PCNX4: variants seen among roughly 807,000 people sequenced by gnomAD.
PCNX4 encodes the protein pecanex-like protein 4.
A neutral mutation model predicts 107.2 loss-of-function variants in PCNX4; 103 were observed. The observed-to-expected ratio is 0.96, with a 90% CI of 0.82 to 1.13. The LOEUF (loss-of-function observed/expected upper bound fraction) is 1.13. Ranked by LOEUF, PCNX4 falls within the 50% of genes most tolerant of loss-of-function variation. The pLI is 0.00. For synonymous variants in PCNX4, 541 were observed against 481.7 expected (o/e 1.12, Z -1.61); for missense variants, 1,528 against 1,379.4 (o/e 1.11, Z -1.71).
chr14:60,106,137 C>A (rs1002558449), intron 1 of PCNX4, among the ~76,000 whole-genome samples: 1 of 152,142 alleles, frequency 6.6e-6, no homozygotes, highest in Admixed American at 6.5e-5. Flanking sequence ...CACTAAGGTT[C>A]GATTTGGCCC....
At chr14:60,104,911 A>T (rs1407641671) in intron 1 of PCNX4, among the ~76,000 whole-genome samples, 3 of 152,194 alleles carry the variant, frequency 2.0e-5, no homozygotes, top group Non-Finnish European at 2.9e-5. Context: ...AGTAGAAGTT[A>T]CTCAGAGAAA....
Position 60,106,356 on chromosome 14 carries a change from A to C in PCNX4, c.-53-1230A>C, listed in dbSNP as rs183371798. ...ACCTAATACTATGTAAATGCTATAT[A>C]AATAGCTATACTTTATTATTTAGGG... On this transcript the variant is annotated intron_variant, in intron 1 of 10. Transcript: ENST00000406854. 4.1e-4 allele frequency among the ~76,000 whole-genome samples: 63 copies of C among 152,294 alleles called. 1 individual carries two copies. Among genetic ancestry groups the C allele is most frequent in the African/African-American group, 1.4e-3 (57 of 41,564 alleles).
intron 1 of PCNX4, among the ~76,000 whole-genome samples, chr14:60,102,818 T>G (rs2140533110): frequency 6.6e-6 from 1 of 152,334 alleles, no homozygotes; most frequent in South Asian, 2.1e-4. Context: ...GAGTACATTT[T>G]AGTTATTGTG....
chr14:60,111,837 C>A (rs569211687), intron 2 of PCNX4, among the ~76,000 whole-genome samples: 44 of 152,136 alleles, frequency 2.9e-4, no homozygotes, highest in African/African-American at 9.9e-4. Context: ...CAAAGCCAGT[C>A]CCCACATCTA....
intron 10 of PCNX4, among the ~76,000 whole-genome samples, chr14:60,127,060 A>G (rs1043821296): frequency 6.6e-6 from 1 of 152,236 alleles, no homozygotes; most frequent in African/African-American, 2.4e-5. Context: ...TCTTCTTCCC[A>G]GAGGAACTGA....
intron 8 of PCNX4, among the ~76,000 whole-genome samples, chr14:60,123,435 C>T (rs1197034183): frequency 2.0e-5 from 3 of 152,036 alleles, no homozygotes; most frequent in African/African-American, 7.3e-5. Flanking sequence ...CTTGCCAGCA[C>T]CTGGTGGAGC....
chr14:60,131,646 A>G (rs1339301725), intron 10 of PCNX4, among the ~76,000 whole-genome samples: 1 of 152,254 alleles, frequency 6.6e-6, no homozygotes, highest in Non-Finnish European at 1.5e-5. Flanking sequence ...TACAGATTCA[A>G]CACAGTCCTT....
intron 10 of PCNX4, 94 bp downstream of exon 10, chr14:60,125,917 G>A (rs1326711493): frequency 4.5e-5 from 36 of 805,596 alleles, no homozygotes; most frequent in South Asian, 2.6e-4. Context: ...ATGATATAAC[G>A]TTATAGCTGT....
rs768527528 is a variant in PCNX4, at chr14:60,114,098, A to G, written c.690-602A>G. On this transcript the variant is annotated intron_variant, in intron 2 of 10. Transcript: ENST00000406854. ...TAGGTTAAGCTGCAGAGATACAGTC[A>G]TAACCTGAGTTGCGCATTTCTGATA... is the stretch of plus-strand genomic sequence containing the variant. Among the ~76,000 whole-genome samples, 43 of 152,238 alleles carry G rather than the reference A, an allele frequency of 2.8e-4. 1 individual carries two copies. Among genetic ancestry groups the G allele is most frequent in the Admixed American group, 1.4e-3 (21 of 15,284 alleles).
At position 60,139,689 on chromosome 14, in the gene PCNX4, C is replaced by T. The variant is rs1421584320; in HGVS notation, c.*5468C>T. 2.0e-5 allele frequency: 3 copies of T among 152,024 alleles called. No homozygotes were observed. The highest frequency in any genetic ancestry group is 4.4e-5 in the Non-Finnish European group (3 of 67,932). The allele number at this position is 152,024 out of a possible 1,614,324, so 9.4% of individuals were successfully genotyped here. A position where few individuals can be genotyped will look rare whatever the true frequency, so the allele number is the denominator to read the frequency against. On this transcript the variant is annotated 3_prime_UTR_variant, in exon 11 of 11. Transcript: ENST00000406854. ...CAGATAGAATATTTATCAAAACTGA[C>T]CATATTCCAAGTCATAGGAATGGAA...
chr14:60,133,819 T>C, intron 10 of PCNX4, 151 bp from the exon 11 acceptor site: 1 of 743,550 alleles, frequency 1.3e-6, no homozygotes, highest in Admixed American at 2.8e-5. Context: ...GCAACTTGTG[T>C]ACATTTTTAA....
intron 1 of PCNX4, among the ~76,000 whole-genome samples, chr14:60,094,760 A>AC (rs1895388453): frequency 2.4e-5 from 1 of 41,780 alleles, no homozygotes; most frequent in East Asian, 1.6e-3. Flanking sequence ...GTTGCTGTAG[A>AC]GCCCCCCCCC....
chr14:60,120,799 A>G (rs1895938922), intron 7 of PCNX4, among the ~76,000 whole-genome samples: 1 of 152,208 alleles, frequency 6.6e-6, no homozygotes, highest in African/African-American at 2.4e-5. Context: ...TTAAACCACA[A>G]AACACTTTTT....
chr14:60,123,281 G>A (rs1895988289), intron 8 of PCNX4, among the ~76,000 whole-genome samples: 1 of 151,982 alleles, frequency 6.6e-6, no homozygotes, highest in Non-Finnish European at 1.5e-5. Flanking sequence ...CACAAGCTGG[G>A]TTAGGCCATG....
intron 1 of PCNX4, among the ~76,000 whole-genome samples, chr14:60,101,230 T>A (rs1458308581): frequency 6.6e-5 from 10 of 152,234 alleles, no homozygotes; most frequent in Admixed American, 2.6e-4. Context: ...TTTGATGTCT[T>A]ATGCCTCCCT....
At chr14:60,103,782 A>G (rs2140534127) in intron 1 of PCNX4, among the ~76,000 whole-genome samples, 1 of 152,286 alleles carries the variant, frequency 6.6e-6, no homozygotes, top group East Asian at 1.9e-4. Flanking sequence ...ACATCTTAAA[A>G]TTCTCCAGTC....
intron 10 of PCNX4, among the ~76,000 whole-genome samples, chr14:60,127,325 T>C (rs1896074069): frequency 6.6e-6 from 1 of 152,168 alleles, no homozygotes; most frequent in Non-Finnish European, 1.5e-5. Flanking sequence ...AGCTATTCCT[T>C]TCAAGGAGTT....
intron 4 of PCNX4, 63 bp downstream of exon 4, chr14:60,115,524 T>G: frequency 6.8e-7 from 1 of 1,472,484 alleles, no homozygotes; most frequent in Non-Finnish European, 9.0e-7. Context: ...TTCAAAAATA[T>G]TACTCAATTC....
chr14:60,112,841 C>A (rs1395822991), intron 2 of PCNX4, among the ~76,000 whole-genome samples: 2 of 152,162 alleles, frequency 1.3e-5, no homozygotes, highest in Non-Finnish European at 2.9e-5. Context: ...AAGTATTGTC[C>A]TCTAATTTAA....
Sources: allele counts gnomAD v4.1 joint callset (sites outside exome capture counted in the v4.1 genomes callset), GRCh38; gene constraint gnomAD v4.1.1; transcripts MANE v1.5; gene names NCBI Gene and HGNC (gene_info 2026-07-23, HGNC 2026-07-21).